DCUN1D1: variants seen among roughly 807,000 people sequenced by gnomAD.
DCUN1D1 encodes the protein defective in cullin neddylation 1 domain containing 1.
In DCUN1D1, 3 loss-of-function variants were observed where a neutral mutation model predicts 39.0. That is an observed-to-expected ratio of 0.08 (90% CI 0.04 to 0.20). The LOEUF (loss-of-function observed/expected upper bound fraction) is 0.20, where lower values mean the gene tolerates loss of function less well. Among genes scored for constraint, DCUN1D1 ranks in the 10% least tolerant of loss-of-function variants. The pLI is 1.00. For missense variants in DCUN1D1, 158 were observed against 302.4 expected, an observed-to-expected ratio of 0.52 and a Z score of 3.54; for synonymous variants, 82 against 96.3, an observed-to-expected ratio of 0.85 and a Z score of 0.87.
chr3:182,949,686 A>G (rs7617393), intron 4 of DCUN1D1, among the ~76,000 whole-genome samples: 87,682 of 151,954 alleles, frequency 0.58, 29,502 homozygotes, highest in Non-Finnish European at 0.77. Flanking sequence ...ATGCCACTGC[A>G]CTCCAGCCTG....
At chr3:182,980,447 C>A in intron 1 of DCUN1D1, 40 bp downstream of exon 1, 1 of 1,103,194 alleles carries the variant, frequency 9.1e-7, no homozygotes, top group South Asian at 3.2e-5. Context: ...CAGCGCCGGC[C>A]CCCAGCCGGC....
intron 4 of DCUN1D1, among the ~76,000 whole-genome samples, chr3:182,948,176 G>A (rs967997382): frequency 6.6e-6 from 1 of 152,178 alleles, no homozygotes; most frequent in Non-Finnish European, 1.5e-5. Context: ...TACACCTACA[G>A]GTTGGAAGGT....
chr3:182,959,971 C>T (rs1296436786), intron 4 of DCUN1D1, among the ~76,000 whole-genome samples: 2 of 152,172 alleles, frequency 1.3e-5, no homozygotes, highest in Non-Finnish European at 2.9e-5. Context: ...AGTCCACTTC[C>T]CCTTTGACCT....
intron 4 of DCUN1D1, among the ~76,000 whole-genome samples, chr3:182,948,893 C>A (rs1726555184): frequency 6.6e-6 from 1 of 151,592 alleles, no homozygotes; most frequent in South Asian, 2.1e-4. Flanking sequence ...ACTAAAAACA[C>A]AAAAATTAGC....
intron 1 of DCUN1D1, 62 bp downstream of exon 1, chr3:182,980,425 G>T: frequency 2.0e-6 from 2 of 1,023,066 alleles, no homozygotes; most frequent in Non-Finnish European, 2.3e-6. Flanking sequence ...CGGCCGGGGC[G>T]GGGGTGCGCG....
At chr3:182,981,240 G>A (rs1395809835), upstream of DCUN1D1, among the ~76,000 whole-genome samples, 6 of 152,082 alleles carry the variant, frequency 3.9e-5, no homozygotes, top group Non-Finnish European at 8.8e-5. Flanking sequence ...ACCCAAGGCC[G>A]GGCTGCGGGA....
rs1728343529 is a variant in DCUN1D1 at position 182,978,240 on chromosome 3, C to T, written c.3+2247G>A. ...TAACATGTGCTCTGGAAATGGGCTG[C>T]AGCTACAGACACCAAAAAACTCACA... On this transcript the variant is annotated intron_variant, in intron 1 of 6. Coordinates refer to ENST00000292782, the MANE Select transcript of DCUN1D1 (RefSeq NM_020640.4). Among the ~76,000 whole-genome samples the T allele has an allele frequency of 2.0e-5, 3 of 152,100 alleles. No homozygotes were observed. In the South Asian group the frequency reaches 6.2e-4, roughly 31 times the overall value.
chr3:182,945,936 G>A (rs1012748054), intron 6 of DCUN1D1, among the ~76,000 whole-genome samples: 2 of 151,880 alleles, frequency 1.3e-5, no homozygotes, highest in African/African-American at 2.4e-5. Context: ...GATTATAAAC[G>A]ACAACGAAAT....
intron 1 of DCUN1D1, among the ~76,000 whole-genome samples, chr3:182,974,247 C>T (rs1228461530): frequency 6.6e-6 from 1 of 151,970 alleles, no homozygotes; most frequent in Non-Finnish European, 1.5e-5. Flanking sequence ...GAGTGAGACC[C>T]TGTCTCAAAA....
chr3:182,980,290 G>C (rs1728472840), intron 1 of DCUN1D1, 197 bp downstream of exon 1: 1 of 336,058 alleles, frequency 3.0e-6, no homozygotes, highest in African/African-American at 2.2e-5. Context: ...CTCGCGTAGC[G>C]GCTGCGCCCG....
chr3:182,964,714 C>T (rs1727579541), intron 2 of DCUN1D1, among the ~76,000 whole-genome samples: 1 of 144,060 alleles, frequency 6.9e-6, no homozygotes, highest in African/African-American at 2.6e-5. Context: ...GATCTTAGCT[C>T]ACTGTAACCT....
At chr3:182,961,012 CA>C (rs1248273494) in intron 4 of DCUN1D1, among the ~76,000 whole-genome samples, 1 of 152,116 alleles carries the variant, frequency 6.6e-6, no homozygotes, top group Non-Finnish European at 1.5e-5. Flanking sequence ...TTTCATAAAG[CA>C]AAAGTCAGTG....
intron 1 of DCUN1D1, among the ~76,000 whole-genome samples, chr3:182,975,483 A>C (rs1285569572): frequency 6.6e-6 from 1 of 152,062 alleles, no homozygotes; most frequent in Non-Finnish European, 1.5e-5. Flanking sequence ...GCCAAAAATT[A>C]ACACAGAATT....
chr3:182,980,222 G>A (rs1490176337), intron 1 of DCUN1D1: 10 of 330,572 alleles, frequency 3.0e-5, no homozygotes, highest in African/African-American at 4.5e-5. Context: ...GCCGCTCCCC[G>A]CGCCCCAAAC....
intron 1 of DCUN1D1, among the ~76,000 whole-genome samples, chr3:182,976,442 CAT>C (rs1450070504): frequency 1.8e-4 from 15 of 84,304 alleles, no homozygotes; most frequent in South Asian, 4.3e-4. Flanking sequence ...CATATACATA[CAT>C]ACACACACAC....
intron 1 of DCUN1D1, among the ~76,000 whole-genome samples, chr3:182,979,058 C>T (rs564115725): frequency 6.6e-5 from 10 of 152,216 alleles, no homozygotes; most frequent in Non-Finnish European, 1.3e-4. Flanking sequence ...AGTCTGGAAA[C>T]TTCAGGAGTA....
chr3:182,951,442 T>G (rs1160473064), intron 4 of DCUN1D1, among the ~76,000 whole-genome samples: 1 of 151,624 alleles, frequency 6.6e-6, no homozygotes, highest in Non-Finnish European at 1.5e-5. Context: ...TAGTGAGACT[T>G]GGTCTCTACT....
chr3:182,980,642 CG>C, upstream of DCUN1D1: 1 of 970,388 alleles, frequency 1.0e-6, no homozygotes, highest in Non-Finnish European at 1.2e-6. Flanking sequence ...CCCCGGACCT[CG>C]GGGAGGCGGA....
chr3:182,967,322 A>G (rs1490252732), intron 1 of DCUN1D1, among the ~76,000 whole-genome samples: 1 of 152,038 alleles, frequency 6.6e-6, no homozygotes, highest in African/African-American at 2.4e-5. Context: ...ATTAGTAGAA[A>G]TGAGACAAGA....
Sources: allele counts gnomAD v4.1 joint callset (sites outside exome capture counted in the v4.1 genomes callset), GRCh38; gene constraint gnomAD v4.1.1; transcripts MANE v1.5; gene names NCBI Gene and HGNC (gene_info 2026-07-23, HGNC 2026-07-21).